Variants in SNX13 observed in about 807,000 individuals in gnomAD.
The protein encoded by SNX13 is sorting nexin-13.
In SNX13, 45 loss-of-function variants were observed where a neutral mutation model predicts 133.6. The ratio of observed to expected loss-of-function variants is 0.34; its 90% CI spans 0.27 to 0.43. The LOEUF (loss-of-function observed/expected upper bound fraction) is 0.43, where lower values mean the gene tolerates loss of function less well. SNX13 is among the 20% of genes least tolerant of loss of function. The probability of loss-of-function intolerance (pLI) is 1.00; values close to 1 mark genes in which losing one functional copy is unlikely to be tolerated. For missense variants in SNX13, 1,032 were observed against 1,145.1 expected, an observed-to-expected ratio of 0.90 and a Z score of 1.43; for synonymous variants, 414 against 373.9, an observed-to-expected ratio of 1.11 and a Z score of -1.24.
At position 17,890,365 on chromosome 7, in the gene SNX13, A is replaced by G. The variant is rs1450231108; in HGVS notation, c.438T>C (p.Thr146=). 8.1e-6 allele frequency: 13 copies of G among 1,609,570 alleles called. No individual in the cohort carries two copies. Among genetic ancestry groups the G allele is most frequent in the Non-Finnish European group, 1.1e-5 (13 of 1,177,990 alleles). ...TLQNALIQFA[T]RSKEIDWQPY... ...TAAATACAATGTCGTGTCCTTACCT[A>G]GTAGCAAACTGAATGAGTGCGTTTT... The change falls in exon 5 of 26, where the codon ACT becomes ACC. Residue 146 remains threonine (T), a splice_region_variant and synonymous_variant. Coordinates refer to ENST00000428135, the MANE Select transcript of SNX13 (RefSeq NM_015132.5).
chr7:17,817,800 C>T (rs951475939), intron 18 of SNX13, among the ~76,000 whole-genome samples: 1 of 152,006 alleles, frequency 6.6e-6, no homozygotes, highest in Non-Finnish European at 1.5e-5. Flanking sequence ...GAGATATTTC[C>T]TGCAATATGA....
chr7:17,871,774 C>T (rs886420144), intron 8 of SNX13, among the ~76,000 whole-genome samples: 1 of 152,212 alleles, frequency 6.6e-6, no homozygotes, highest in Non-Finnish European at 1.5e-5. Context: ...TTTTCCCCTA[C>T]TGCAACAGTT....
chr7:17,801,854 T>C (rs1284530040), intron 21 of SNX13, among the ~76,000 whole-genome samples, 195 bp from the exon 22 acceptor site: 1 of 152,054 alleles, frequency 6.6e-6, no homozygotes, highest in African/African-American at 2.4e-5. Flanking sequence ...TTTTCTCCTT[T>C]ACAAAATAAA....
At chr7:17,912,420 T>TA (rs1799084142) in intron 1 of SNX13, among the ~76,000 whole-genome samples, 1 of 151,708 alleles carries the variant, frequency 6.6e-6, no homozygotes, top group Non-Finnish European at 1.5e-5. Context: ...AAATGCTTTT[T>TA]TTTTTTGGAA....
At chr7:17,803,776 T>G (rs995096907) in intron 20 of SNX13, among the ~76,000 whole-genome samples, 196 bp from the exon 21 acceptor site, 1 of 151,094 alleles carries the variant, frequency 6.6e-6, no homozygotes, top group Non-Finnish European at 1.5e-5. Context: ...CTGGGCACAG[T>G]AGCTCATGCC....
At chr7:17,885,662 T>C (rs1006095220) in intron 5 of SNX13, among the ~76,000 whole-genome samples, 8 of 152,206 alleles carry the variant, frequency 5.3e-5, no homozygotes, top group Non-Finnish European at 1.2e-4. Context: ...ACCCCGTCTC[T>C]ACTAGAATAC....
At chr7:17,913,910 A>G (rs1172744120) in intron 1 of SNX13, among the ~76,000 whole-genome samples, 1 of 152,114 alleles carries the variant, frequency 6.6e-6, no homozygotes, top group East Asian at 1.9e-4. Flanking sequence ...CCAGAATGAA[A>G]TATCTGAAAT....
intron 5 of SNX13, among the ~76,000 whole-genome samples, chr7:17,878,255 A>T (rs182988394): frequency 4.4e-4 from 67 of 152,266 alleles, no homozygotes; most frequent in African/African-American, 1.5e-3. Context: ...CCGGGCTATT[A>T]CATAATGCAT....
intron 24 of SNX13, among the ~76,000 whole-genome samples, chr7:17,797,483 C>T (rs1183059993): frequency 1.3e-5 from 2 of 151,828 alleles, no homozygotes; most frequent in Non-Finnish European, 2.9e-5. Context: ...TACTCCTGTT[C>T]CCTAATTCTT....
Position 17,815,779 on chromosome 7 carries a change from A to G in SNX13, c.1953+403T>C, listed in dbSNP as rs1362384936. Among the ~76,000 whole-genome samples the G allele has an allele frequency of 2.0e-5, 3 of 152,228 alleles. No homozygotes were observed. In the East Asian group the frequency reaches 5.8e-4, roughly 29 times the overall value. On this transcript the variant is annotated intron_variant, in intron 19 of 25. Transcript: ENST00000428135. ...TGAGTTCATTAGCTAAGAAGTATAT[A>G]ATACATCGACATCTAAAAGATACAT...
intron 1 of SNX13, among the ~76,000 whole-genome samples, chr7:17,902,020 T>TA (rs1342545704): frequency 2.6e-5 from 4 of 152,218 alleles, no homozygotes; most frequent in African/African-American, 7.2e-5. Flanking sequence ...AATGAGTTGA[T>TA]ATGGAGAAGA....
At chr7:17,879,167 A>C (rs1485120044) in intron 5 of SNX13, among the ~76,000 whole-genome samples, 1 of 152,204 alleles carries the variant, frequency 6.6e-6, no homozygotes, top group Non-Finnish European at 1.5e-5. Flanking sequence ...TCAGTAAGGC[A>C]CAGATTGACT....
At position 17,792,220 on chromosome 7, in the gene SNX13, T is replaced by A. The variant is rs1783617551; in HGVS notation, c.*1825A>T. On this transcript the variant is annotated 3_prime_UTR_variant, in exon 26 of 26. Transcript: ENST00000428135. ...CATGCTGATGCTTCCTACAGACATG[T>A]TTCATGTTTCAAACATTTTCACTTT... 6.6e-6 allele frequency: 1 copy of A among 151,946 alleles called. No homozygotes were observed. Among genetic ancestry groups the A allele is most frequent in the Non-Finnish European group, 1.5e-5 (1 of 67,916 alleles). The allele number at this position is 151,946 out of a possible 1,614,324, so 9.4% of individuals were successfully genotyped here. A position where few individuals can be genotyped will look rare whatever the true frequency, so the allele number is the denominator to read the frequency against.
At position 17,834,829 on chromosome 7, in the gene SNX13, C is replaced by T. The variant is rs762263115; in HGVS notation, c.1396G>A (p.Ala466Thr). The stretch of plus-strand genomic sequence containing the variant: ...TGATTCAAAGTATCTGCTAATTTTG[C>T]TACTAAATAGTCATCAACAGTAACT... ...PRVTVDDYLV[A>T]KLADTLNHED... The change falls in exon 14 of 26, where the codon GCA becomes ACA. Residue 466 changes from alanine to threonine, a missense_variant. Ala to Thr is a moderately conservative substitution (Grantham distance 58). Transcript: ENST00000428135. The T allele has an allele frequency of 1.2e-6, 2 of 1,609,432 alleles. No individual in the cohort carries two copies. The highest frequency in any genetic ancestry group is 1.3e-5 in the African/African-American group (1 of 74,652).
chr7:17,912,506 G>A (rs771036259), intron 1 of SNX13, among the ~76,000 whole-genome samples: 3 of 152,040 alleles, frequency 2.0e-5, no homozygotes, highest in Non-Finnish European at 4.4e-5. Flanking sequence ...TGCCTCCCGG[G>A]TTCAAGTGAT....
At chr7:17,805,149 T>C (rs897510911) in intron 20 of SNX13, among the ~76,000 whole-genome samples, 2 of 149,726 alleles carry the variant, frequency 1.3e-5, no homozygotes, top group African/African-American at 2.5e-5. Context: ...ACATGACCAC[T>C]GGTGGAGAGA....
At chr7:17,883,750 C>T (rs1252838981) in intron 5 of SNX13, among the ~76,000 whole-genome samples, 1 of 152,010 alleles carries the variant, frequency 6.6e-6, no homozygotes, top group Non-Finnish European at 1.5e-5. Context: ...TGTGATGTTC[C>T]CCTCCCTGTG....
chr7:17,811,367 A>G (rs1476304543), intron 20 of SNX13, among the ~76,000 whole-genome samples: 1 of 152,172 alleles, frequency 6.6e-6, no homozygotes, highest in Non-Finnish European at 1.5e-5. Context: ...ATAGACAAAC[A>G]GCCAAATCAT....
intron 5 of SNX13, among the ~76,000 whole-genome samples, chr7:17,883,745 T>C (rs1038310418): frequency 8.6e-5 from 13 of 151,836 alleles, no homozygotes; most frequent in African/African-American, 2.9e-4. Context: ...CGGTGTGTGA[T>C]GTTCCCCTCC....
Sources: gnomAD v4.1 joint callset for allele counts (sites outside exome capture counted in the v4.1 genomes callset) on GRCh38, gnomAD v4.1.1 for gene constraint, MANE v1.5 for transcripts, NCBI Gene and HGNC (gene_info 2026-07-23, HGNC 2026-07-21) for gene names.